CCDC93: variants seen among roughly 807,000 people sequenced by gnomAD.
CCDC93 encodes the protein coiled-coil domain-containing protein 93.
CCDC93 carries 61 observed loss-of-function variants against 108.2 expected under a neutral mutation model. The ratio of observed to expected loss-of-function variants is 0.56; its 90% CI spans 0.46 to 0.70. The LOEUF (loss-of-function observed/expected upper bound fraction) is 0.70, where lower values mean the gene tolerates loss of function less well. Among genes scored for constraint, CCDC93 ranks in the 30% least tolerant of loss-of-function variants. The pLI is 0.00. For synonymous variants in CCDC93, 276 were observed against 260.4 expected (o/e 1.06, Z -0.58); for missense variants, 685 against 764.2 (o/e 0.90, Z 1.22).
At chr2:117,926,710 T>C (rs1228325573) in intron 23 of CCDC93, among the ~76,000 whole-genome samples, 4 of 152,220 alleles carry the variant, frequency 2.6e-5, no homozygotes, top group Non-Finnish European at 5.9e-5. Context: ...GCTGGTACCA[T>C]TCCTTCTGAA....
At chr2:117,988,945 A>G (rs972561929) in intron 6 of CCDC93, among the ~76,000 whole-genome samples, 6 of 152,252 alleles carry the variant, frequency 3.9e-5, no homozygotes, top group South Asian at 4.2e-4. Context: ...AGTCTGCACT[A>G]AACAGTATGA....
chr2:117,942,558 G>GC (rs764075157), intron 18 of CCDC93, among the ~76,000 whole-genome samples: 8 of 152,122 alleles, frequency 5.3e-5, no homozygotes, highest in Non-Finnish European at 7.3e-5. Context: ...ATTTCTAGTG[G>GC]CACTTCCCCT....
chr2:117,964,980 T>C (rs1013241472), intron 11 of CCDC93, among the ~76,000 whole-genome samples: 4 of 152,306 alleles, frequency 2.6e-5, no homozygotes, highest in East Asian at 1.9e-4. Flanking sequence ...TGAGTATTTA[T>C]TATGAATGAA....
At chr2:117,983,630 TTATATATATATATATATATATATATATA>T (rs66879401) in intron 7 of CCDC93, among the ~76,000 whole-genome samples, 10 of 98,568 alleles carry the variant, frequency 1.0e-4, no homozygotes, top group Admixed American at 3.6e-4. Context: ...CTGCTCAAAA[TTATATATATATATATATATATATATATA>T]TATATATATA....
chr2:117,989,261 T>G (rs965305203), intron 6 of CCDC93, among the ~76,000 whole-genome samples: 7 of 151,912 alleles, frequency 4.6e-5, no homozygotes, highest in African/African-American at 1.7e-4. Flanking sequence ...GACCACAGAC[T>G]CCCCCCTGTG....
Position 117,985,984 on chromosome 2 carries a change from AG to A in CCDC93, c.604del (p.Leu202PhefsTer55). The A allele has an allele frequency of 6.2e-7, 1 of 1,610,154 alleles. No homozygotes were observed. Among genetic ancestry groups the A allele is most frequent in the Non-Finnish European group, 8.5e-7 (1 of 1,176,780 alleles). On this transcript the variant is annotated frameshift_variant, in exon 7 of 24. Coordinates refer to ENST00000376300, the MANE Select transcript of CCDC93 (RefSeq NM_019044.5). LOFTEE classifies it high-confidence loss of function. ...CACTCATTACCTGCCATATTCCAAA[AG>A]TGTAGCATGGATTCGAGATTCTTCA... Reference protein sequence around the residue: ...LDEESRIHATLLEYGRRYGFS... With the variant: ...LDEESRIHATXLEYGRRYGFS...
intron 18 of CCDC93, among the ~76,000 whole-genome samples, chr2:117,942,969 CTT>C (rs1678751798): frequency 6.6e-6 from 1 of 152,186 alleles, no homozygotes; most frequent in Admixed American, 6.5e-5. Flanking sequence ...ATTATTCACC[CTT>C]GTGTCAGAAA....
At chr2:118,006,862 G>C in intron 2 of CCDC93, 46 bp from the exon 3 acceptor site, 1 of 1,202,880 alleles carries the variant, frequency 8.3e-7, no homozygotes, top group Non-Finnish European at 1.2e-6. Context: ...TTAGTTTGGG[G>C]AGAATGGAAG....
chr2:117,979,562 G>C (rs1432981897), intron 7 of CCDC93, among the ~76,000 whole-genome samples: 1 of 152,124 alleles, frequency 6.6e-6, no homozygotes, highest in African/African-American at 2.4e-5. Context: ...AATATTCACT[G>C]AACAAACAAA....
At chr2:118,009,437 T>C in intron 1 of CCDC93, among the ~76,000 whole-genome samples, 1 of 149,368 alleles carries the variant, frequency 6.7e-6, no homozygotes, top group South Asian at 2.1e-4. Flanking sequence ...GGAGGCCAAG[T>C]GGGGGTGCCG....
intron 23 of CCDC93, among the ~76,000 whole-genome samples, chr2:117,926,745 G>C (rs546819059): frequency 2.4e-3 from 361 of 152,294 alleles, no homozygotes; most frequent in African/African-American, 8.0e-3. Flanking sequence ...TAGAAAAATA[G>C]AGAATCCTCC....
At chr2:117,925,043 G>C (rs1269820997) in intron 23 of CCDC93, among the ~76,000 whole-genome samples, 16 of 152,094 alleles carry the variant, frequency 1.1e-4, no homozygotes, top group East Asian at 1.9e-4. Flanking sequence ...ATAAGTGAAG[G>C]AGAAATAAAA....
chr2:117,974,126 C>T, intron 10 of CCDC93, 132 bp from the exon 11 acceptor site: 3 of 707,522 alleles, frequency 4.2e-6, no homozygotes, highest in Non-Finnish European at 7.5e-6. Flanking sequence ...AATAATTTGG[C>T]TTTGCCACAT....
chr2:117,925,794 C>T (rs1678066934), intron 23 of CCDC93, among the ~76,000 whole-genome samples: 2 of 152,164 alleles, frequency 1.3e-5, no homozygotes, highest in South Asian at 2.1e-4. Context: ...GAACTCTCCA[C>T]CCCAAATCAA....
At chr2:117,942,900 G>A (rs1184673914) in intron 18 of CCDC93, among the ~76,000 whole-genome samples, 1 of 152,124 alleles carries the variant, frequency 6.6e-6, no homozygotes, top group African/African-American at 2.4e-5. Context: ...TACTCCTCTC[G>A]CCCTTAACCC....
chr2:117,933,277 C>T (rs1239960541), intron 22 of CCDC93, among the ~76,000 whole-genome samples: 1 of 152,192 alleles, frequency 6.6e-6, no homozygotes, highest in East Asian at 1.9e-4. Flanking sequence ...TTTTTCTTCT[C>T]AACATTTCAC....
chr2:117,994,600 T>C (rs1034735247), intron 6 of CCDC93, among the ~76,000 whole-genome samples: 2 of 152,214 alleles, frequency 1.3e-5, no homozygotes, highest in Admixed American at 1.3e-4. Flanking sequence ...AAAGACTCTG[T>C]AGGCAGTTCA....
intron 7 of CCDC93, among the ~76,000 whole-genome samples, chr2:117,980,764 C>G (rs1680092733): frequency 6.6e-6 from 1 of 152,228 alleles, no homozygotes; most frequent in African/African-American, 2.4e-5. Flanking sequence ...AGTGTATTCA[C>G]TATGTTGTGC....
intron 12 of CCDC93, among the ~76,000 whole-genome samples, chr2:117,956,960 G>A (rs1223096181): frequency 4.0e-5 from 6 of 150,696 alleles, no homozygotes; most frequent in Non-Finnish European, 7.4e-5. Context: ...GCATGATCTC[G>A]GCTCACCGCA....
Sources: allele counts gnomAD v4.1 joint callset (sites outside exome capture counted in the v4.1 genomes callset), GRCh38; gene constraint gnomAD v4.1.1; transcripts MANE v1.5; gene names NCBI Gene and HGNC (gene_info 2026-07-23, HGNC 2026-07-21).